The following PADI6 variants were observed in gnomAD, a reference collection of about 807,000 sequenced individuals.
PADI6 encodes the protein inactive protein-arginine deiminase type-6.
In PADI6, 66 loss-of-function variants were observed where a neutral mutation model predicts 78.2. The ratio of observed to expected loss-of-function variants is 0.84; its 90% CI spans 0.69 to 1.04. The LOEUF (loss-of-function observed/expected upper bound fraction) is 1.04, where lower values mean the gene tolerates loss of function less well. Among genes scored for constraint, PADI6 ranks in the 50% least tolerant of loss-of-function variants. PADI6 has a pLI of 0.00. For synonymous variants in PADI6, 397 were observed against 346.9 expected (o/e 1.14, Z -1.60); for missense variants, 854 against 866.1 (o/e 0.99, Z 0.18).
rs1432545208 is a variant in PADI6, at chr1:17,394,956, A to G, written c.1343A>G (p.Glu448Gly). The G allele has an allele frequency of 6.2e-7, 1 of 1,610,002 alleles. No individual in the cohort carries two copies. The highest frequency in any genetic ancestry group is 2.2e-5 in the East Asian group (1 of 44,860). ...LIGSSFYPSA[E>G]GRAMSKTLRD... ...TCTTTCCATCTTCCTTCTAGCGCAGAGGGCCGGGCCATGAGTAAGACCCTC... is the reference window on the plus strand; with the variant it reads ...TCTTTCCATCTTCCTTCTAGCGCAGGGGGCCGGGCCATGAGTAAGACCCTC... The change falls in exon 12 of 16, where the codon GAG becomes GGG. Residue 448 changes from glutamate (E) to glycine (G), a missense_variant. By Grantham distance (98) the Glu-to-Gly change is moderately conservative. Transcript: ENST00000619609.
At chr1:17,384,142 C>CA (rs564182068) in intron 6 of PADI6, among the ~76,000 whole-genome samples, 1,486 of 141,788 alleles carry the variant, frequency 0.01, 17 homozygotes, top group African/African-American at 0.029. Flanking sequence ...GACTCTGTCT[C>CA]AAAAAAAAAA....
intron 1 of PADI6, 58 bp from the exon 2 acceptor site, chr1:17,372,998 T>C: frequency 6.5e-7 from 1 of 1,544,208 alleles, no homozygotes; most frequent in Non-Finnish European, 8.8e-7. Flanking sequence ...ATGCCAGTCA[T>C]CTCCTAGGCT....
Position 17,388,486 on chromosome 1 carries a change from T to C in PADI6, c.785T>C (p.Ile262Thr), listed in dbSNP as rs753554486. The C allele has an allele frequency of 6.2e-6, 10 of 1,613,554 alleles. No individual in the cohort carries two copies. In the East Asian group the frequency reaches 8.9e-5, roughly 14 times the overall value. Residue 262 changes from isoleucine (I) to threonine (T), a missense_variant, in exon 7 of 16, where the codon ATA (isoleucine) becomes ACA (threonine). By Grantham distance (89) the Ile-to-Thr change is moderately conservative. Transcript: ENST00000619609. ...AAGGAGACTTTCTACGTTGAAGCTA[T>C]AGCATTCCCATCTGCCGAATTCTCA... Reference protein sequence around the residue: ...HLKETFYVEAIAFPSAEFSGL... With the variant: ...HLKETFYVEATAFPSAEFSGL...
intron 4 of PADI6, among the ~76,000 whole-genome samples, chr1:17,380,507 C>A (rs148830267): frequency 0.011 from 1,611 of 152,316 alleles, 31 homozygotes; most frequent in African/African-American, 0.036. Context: ...AGCTGGGACT[C>A]TAGGTGCCTG....
chr1:17,399,738 GAAA>G (rs201790253), intron 15 of PADI6, among the ~76,000 whole-genome samples: 1 of 122,722 alleles, frequency 8.1e-6, no homozygotes, highest in African/African-American at 3.0e-5. Context: ...TTAAAAAAAA[GAAA>G]AAAAAAATGC....
At position 17,397,135 on chromosome 1, in the gene PADI6, C is replaced by T. The variant is rs140901423; in HGVS notation, c.1683C>T (p.Tyr561=). The T allele has an allele frequency of 1.8e-4, 291 of 1,613,750 alleles. 2 individuals are homozygous for T. In the African/African-American group the frequency reaches 3.0e-3, roughly 17 times the overall value. ...ADESLKKQNE[Y]VEKCIHLNRD... ...AAAGCCTGAAGAAGCAGAATGAATA[C>T]GTGGAGGTAGGACCAGTGTGAAGGG... Residue 561 remains tyrosine (Y), a synonymous_variant, in exon 14 of 16, where the codon TAC becomes TAT. Transcript: ENST00000619609.
chr1:17,384,391 C>T (rs2075101496), intron 6 of PADI6, among the ~76,000 whole-genome samples: 1 of 152,004 alleles, frequency 6.6e-6, no homozygotes, highest in African/African-American at 2.4e-5. Flanking sequence ...CACAGGAGTT[C>T]AAGACCAGCC....
chr1:17,391,775 A>C (rs979735705), intron 8 of PADI6, among the ~76,000 whole-genome samples: 2 of 152,186 alleles, frequency 1.3e-5, no homozygotes, highest in African/African-American at 4.8e-5. Context: ...AGATCATGCC[A>C]CTGCACTCCA....
intron 3 of PADI6, among the ~76,000 whole-genome samples, chr1:17,377,199 C>T (rs1212174627): frequency 1.3e-5 from 2 of 151,912 alleles, no homozygotes; most frequent in Non-Finnish European, 2.9e-5. Flanking sequence ...TATTGCCCAG[C>T]CTGGTCTCAA....
rs529720720 is a variant in PADI6, at chr1:17,401,304, C to A, written c.1951C>A (p.Leu651Met). 6.2e-7 allele frequency: 1 copy of A among 1,614,092 alleles called. No individual in the cohort carries two copies. The highest frequency in any genetic ancestry group is 2.2e-5 in the East Asian group (1 of 44,882). The change falls in exon 16 of 16, where the codon CTG (leucine) becomes ATG (methionine). Residue 651 changes from leucine (L) to methionine (M), a missense_variant. Physicochemically the swap from Leu to Met is conservative, Grantham distance 15 (BLOSUM62 2). Coordinates refer to ENST00000619609, the MANE Select transcript of PADI6 (RefSeq NM_207421.4). Reference protein sequence around the residue: ...CCLEEKICCLLEPLGFKCTFI... With the variant: ...CCLEEKICCLMEPLGFKCTFI... ...CCTGGAAGAAAAGATTTGCTGCTTGCTGGAGCCCCTGGGCTTCAAGTGCAC... is the reference window on the plus strand; with the variant it reads ...CCTGGAAGAAAAGATTTGCTGCTTGATGGAGCCCCTGGGCTTCAAGTGCAC...
intron 2 of PADI6, 124 bp downstream of exon 2, chr1:17,373,357 C>A: frequency 1.7e-6 from 2 of 1,156,018 alleles, no homozygotes; most frequent in Non-Finnish European, 2.4e-6. Flanking sequence ...CACGTCTGAT[C>A]TCATCCAGTG....
chr1:17,375,508 T>G lies in PADI6; in HGVS notation c.367+9T>G. On this transcript the variant is annotated intron_variant, in intron 3 of 15. Coordinates refer to ENST00000619609, the MANE Select transcript of PADI6 (RefSeq NM_207421.4). ...GTACCTCACTGGCATTGGTGAGTGT[T>G]GCTCCAACTGGGAGCCTGGGGCCCA... The G allele has an allele frequency of 6.3e-7, 1 of 1,598,040 alleles. No homozygotes were observed. Among genetic ancestry groups the G allele is most frequent in the South Asian group, 1.1e-5 (1 of 88,576 alleles).
In PADI6 at chr1:17,397,115, C is replaced by A; in HGVS notation, c.1663C>A (p.Leu555Met). 2 of 1,613,948 alleles carry A rather than the reference C, an allele frequency of 1.2e-6. No individual in the cohort carries two copies. Among genetic ancestry groups the A allele is most frequent in the Non-Finnish European group, 1.7e-6 (2 of 1,179,876 alleles). ...CGACCAACTTCTGGCTGATGAAAGC[C>A]TGAAGAAGCAGAATGAATACGTGGA... Reference protein sequence around the residue: ...TIDQLLADESLKKQNEYVEKC... With the variant: ...TIDQLLADESMKKQNEYVEKC... Residue 555 changes from leucine to methionine, a missense_variant, in exon 14 of 16, where the codon CTG (leucine) becomes ATG (methionine). Coordinates refer to ENST00000619609, the MANE Select transcript of PADI6 (RefSeq NM_207421.4).
In PADI6 at chr1:17,395,555, C is replaced by T; in HGVS notation, c.1510C>T (p.Leu504=). 3 of 1,557,106 alleles carry T rather than the reference C, an allele frequency of 1.9e-6. No individual in the cohort carries two copies. Among genetic ancestry groups the T allele is most frequent in the Non-Finnish European group, 2.6e-6 (3 of 1,149,890 alleles). Residue 504 remains leucine, a synonymous_variant, in exon 13 of 16, where the codon CTG becomes TTG. Coordinates refer to ENST00000619609, the MANE Select transcript of PADI6 (RefSeq NM_207421.4). The stretch of plus-strand genomic sequence containing the variant: ...TGTTTCCCAGGGCTTCCTGCTGCTC[C>T]TGGCCAGCCCCAGTGCCTGCTATAA... ...NEGKKGFLLL[L]ASPSACYKLF...
intron 6 of PADI6, among the ~76,000 whole-genome samples, chr1:17,387,464 G>GC (rs1289470784): frequency 1.3e-5 from 2 of 151,406 alleles, no homozygotes; most frequent in Non-Finnish European, 2.9e-5. Context: ...AAGGAGGGGG[G>GC]GGGGCCAGGC....
Position 17,394,406 on chromosome 1 carries a change from A to G in PADI6, c.1289A>G (p.Lys430Arg), listed in dbSNP as rs1369672986. ...MVSPPVKVQG[K>R]EYPLGRVLIG... is the part of the protein sequence containing the mutation. The stretch of plus-strand genomic sequence containing the variant: ...TCCCCACCTGTCAAGGTCCAAGGGA[A>G]AGAGTACCCGCTGGGCAGAGTCCTC... The change falls in exon 11 of 16, where the codon AAA (lysine) becomes AGA (arginine). Residue 430 changes from lysine (K) to arginine (R), a missense_variant. Physicochemically the swap from Lys to Arg is conservative, Grantham distance 26. Coordinates refer to ENST00000619609, the MANE Select transcript of PADI6 (RefSeq NM_207421.4). 1.2e-6 allele frequency: 2 copies of G among 1,613,822 alleles called. No individual in the cohort carries two copies. The highest frequency in any genetic ancestry group is 2.2e-5 in the South Asian group (2 of 91,050).
intron 8 of PADI6, among the ~76,000 whole-genome samples, chr1:17,389,494 C>T (rs893341840): frequency 2.0e-5 from 3 of 152,128 alleles, no homozygotes; most frequent in Non-Finnish European, 4.4e-5. Flanking sequence ...GGCCCGGGCC[C>T]CAGGAGGGAG....
At chr1:17,384,131 G>T (rs1431674468) in intron 6 of PADI6, among the ~76,000 whole-genome samples, 1 of 151,396 alleles carries the variant, frequency 6.6e-6, no homozygotes, top group African/African-American at 2.4e-5. Context: ...TGACAGAGTG[G>T]GACTCTGTCT....
At chr1:17,392,529 C>T (rs2075197655) in intron 9 of PADI6, among the ~76,000 whole-genome samples, 1 of 152,126 alleles carries the variant, frequency 6.6e-6, no homozygotes, top group South Asian at 2.1e-4. Flanking sequence ...GAGAGCTGGG[C>T]CACTGCCCTG....
Sources: allele counts gnomAD v4.1 joint callset (sites outside exome capture counted in the v4.1 genomes callset), GRCh38; gene constraint gnomAD v4.1.1; transcripts MANE v1.5; gene names NCBI Gene and HGNC (gene_info 2026-07-23, HGNC 2026-07-21).